Variants in NRIP2 observed in about 807,000 individuals in gnomAD.
The protein encoded by NRIP2 is nuclear receptor interacting protein 2.
In NRIP2, 27 loss-of-function variants were observed where a neutral mutation model predicts 34.1. The ratio of observed to expected loss-of-function variants is 0.79; its 90% CI spans 0.58 to 1.09. The LOEUF is 1.09. NRIP2 is among the 50% of genes least tolerant of loss of function. NRIP2 has a pLI of 0.00. For synonymous variants in NRIP2, 145 were observed against 146.9 expected (o/e 0.99, Z 0.09); for missense variants, 385 against 352.6 (o/e 1.09, Z -0.74).
intron 2 of NRIP2, among the ~76,000 whole-genome samples, chr12:2,828,827 A>G (rs1313085887): frequency 6.6e-6 from 1 of 152,142 alleles, no homozygotes; most frequent in Non-Finnish European, 1.5e-5. Context: ...GGGCAACAAG[A>G]GCAAAACTCT....
At chr12:2,834,005 C>T (rs2098015935) in intron 1 of NRIP2, among the ~76,000 whole-genome samples, 1 of 152,242 alleles carries the variant, frequency 6.6e-6, no homozygotes, top group African/African-American at 2.4e-5. Context: ...CCGCCGCCCA[C>T]TCACATCCTC....
At chr12:2,834,575 T>G (rs912672729) in intron 1 of NRIP2, 67 bp downstream of exon 1, 1 of 1,516,364 alleles carries the variant, frequency 6.6e-7, no homozygotes, top group Non-Finnish European at 8.8e-7. Context: ...TCCTGCCTCC[T>G]GCTCAGGATC....
chr12:2,833,572 C>T (rs1218547554), intron 1 of NRIP2, among the ~76,000 whole-genome samples: 1 of 152,050 alleles, frequency 6.6e-6, no homozygotes, highest in African/African-American at 2.4e-5. Context: ...AGACATGCTT[C>T]CAACCTGTCA....
intron 1 of NRIP2, among the ~76,000 whole-genome samples, chr12:2,832,170 T>C (rs1052783306): frequency 5.3e-5 from 8 of 152,174 alleles, no homozygotes; most frequent in Non-Finnish European, 1.0e-4. Flanking sequence ...AGGTGATTCA[T>C]GTGCAGGTTA....
In NRIP2 at chr12:2,827,374, C is replaced by G; in HGVS notation, c.754-75G>C. Reference sequence around the variant, plus strand: ...CTCCCGGCCTGCTCCTTTTGTTCCCCCTCCCACTTCCCACAGCTTCCACCT... The same window carrying G: ...CTCCCGGCCTGCTCCTTTTGTTCCCGCTCCCACTTCCCACAGCTTCCACCT... On this transcript the variant is annotated intron_variant, in intron 5 of 5. Transcript: ENST00000337508. This position sits in a 1 kb window ranked among gnomAD's most constrained non-coding sequence, Gnocchi z 4.0. 3 of 1,542,812 alleles carry G rather than the reference C, an allele frequency of 1.9e-6. No homozygotes were observed. The highest frequency in any genetic ancestry group is 2.6e-6 in the Non-Finnish European group (3 of 1,150,324).
chr12:2,828,114 G>A, intron 3 of NRIP2, 67 bp from the exon 4 acceptor site: 3 of 1,439,738 alleles, frequency 2.1e-6, no homozygotes, highest in Non-Finnish European at 2.9e-6. Context: ...TTAATCAGCA[G>A]GTGTCCCTCT....
At position 2,826,348 on chromosome 12, in the gene NRIP2, C is replaced by T. The variant is rs547016282; in HGVS notation, c.*859G>A. ...AGAAGGCCTAATGAGGTGGATAGTT[C>T]TAGAAATCAGAAAGAATGCTGAATA... On this transcript the variant is annotated 3_prime_UTR_variant, in exon 6 of 6. Transcript: ENST00000337508. 6.6e-6 allele frequency: 1 copy of T among 152,232 alleles called. No homozygotes were observed. Among genetic ancestry groups the T allele is most frequent in the East Asian group, 1.9e-4 (1 of 5,190 alleles). The allele number at this position is 152,232 out of a possible 1,614,324, so 9.4% of individuals were successfully genotyped here.
intron 1 of NRIP2, among the ~76,000 whole-genome samples, chr12:2,833,055 G>A (rs2153926378): frequency 6.6e-6 from 1 of 152,056 alleles, no homozygotes; most frequent in East Asian, 1.9e-4. Context: ...TCCCAGGGAG[G>A]GAGACGATGG....
chr12:2,834,132 G>A (rs748155083), intron 1 of NRIP2, among the ~76,000 whole-genome samples: 8 of 152,208 alleles, frequency 5.3e-5, no homozygotes, highest in East Asian at 3.9e-4. Context: ...CACTCAAGGC[G>A]GCCAGGGGCC....
chr12:2,832,228 C>G (rs2098006751), intron 1 of NRIP2, among the ~76,000 whole-genome samples: 1 of 152,124 alleles, frequency 6.6e-6, no homozygotes, highest in African/African-American at 2.4e-5. Flanking sequence ...CATGTCTTCT[C>G]TTATTTAAAA....
chr12:2,833,749 A>C (rs939583994), intron 1 of NRIP2, among the ~76,000 whole-genome samples: 2 of 152,202 alleles, frequency 1.3e-5, no homozygotes, highest in African/African-American at 4.8e-5. Context: ...AATAGCATTT[A>C]GATAGTGCCT....
intron 1 of NRIP2, among the ~76,000 whole-genome samples, chr12:2,831,414 T>C (rs1454506561): frequency 6.6e-6 from 1 of 152,036 alleles, no homozygotes; most frequent in Non-Finnish European, 1.5e-5. Flanking sequence ...TGAAACCCTA[T>C]TTCTACTAAA....
intron 1 of NRIP2, among the ~76,000 whole-genome samples, chr12:2,831,309 CGTG>C (rs1252224187): frequency 6.6e-6 from 1 of 151,722 alleles, no homozygotes; most frequent in Non-Finnish European, 1.5e-5. Context: ...CTAGGCCAGG[CGTG>C]GTGGCTCACA....
chr12:2,827,478 G>A lies in NRIP2; in HGVS notation c.753+147C>T. 2.6e-6 allele frequency: 4 copies of A among 1,534,206 alleles called. No homozygotes were observed. Among genetic ancestry groups the A allele is most frequent in the Middle Eastern group, 4.2e-4 (2 of 4,758 alleles). ...ACCCAGTTCTCTTGATTTTTCACTT[G>A]GTGGTAAGTAAGGAACCTCTAAGGA... On this transcript the variant is annotated intron_variant, in intron 5 of 5. Coordinates refer to ENST00000337508, the MANE Select transcript of NRIP2 (RefSeq NM_031474.3). This position sits in a 1 kb window ranked among gnomAD's most constrained non-coding sequence, Gnocchi z 4.0.
chr12:2,828,241 G>T, intron 3 of NRIP2, 91 bp downstream of exon 3: 1 of 1,234,654 alleles, frequency 8.1e-7, no homozygotes, highest in Non-Finnish European at 1.2e-6. Flanking sequence ...GATAAAATAT[G>T]CAACTGTCGT....
At chr12:2,834,365 C>T (rs1441958054) in intron 1 of NRIP2, among the ~76,000 whole-genome samples, 1 of 152,186 alleles carries the variant, frequency 6.6e-6, no homozygotes, top group Non-Finnish European at 1.5e-5. Flanking sequence ...GCCCCCACTT[C>T]TAAACAGCCT....
rs1354017708 is a variant in NRIP2, at chr12:2,834,932, CT to C, written c.51del (p.Glu18ArgfsTer18). 1 of 1,610,992 alleles carries C rather than the reference CT, an allele frequency of 6.2e-7. No individual in the cohort carries two copies. The highest frequency in any genetic ancestry group is 1.1e-5 in the South Asian group (1 of 90,762). On this transcript the variant is annotated frameshift_variant, in exon 1 of 6. Coordinates refer to ENST00000337508, the MANE Select transcript of NRIP2 (RefSeq NM_031474.3). LOFTEE classifies it high-confidence loss of function. ...TGTCTCTGTCCCGTGCTGCAGCTCT[CT>C]TTCCAACAGGAGGGTCTCCACGGGA... is the stretch of plus-strand genomic sequence containing the variant. ...LSLPWRPSCW[K>X]ESCSTGQRQA...
In NRIP2 at chr12:2,828,006, G is replaced by A. The variant is rs562556400; in HGVS notation, c.620C>T (p.Ala207Val). The A allele has an allele frequency of 6.8e-6, 11 of 1,614,194 alleles. No homozygotes were observed. Among genetic ancestry groups the A allele is most frequent in the Non-Finnish European group, 9.3e-6 (11 of 1,180,034 alleles). Residue 207 changes from alanine to valine, a missense_variant, in exon 4 of 6, where the codon GCC (alanine) becomes GTC (valine). Ala to Val is a moderately conservative substitution (Grantham distance 64). Transcript: ENST00000337508. ...CTCCACCTGGGTTGGGGGCCCAGGGGCCAGGTCCCCAGCTGAGGCTTTTAG... is the reference window on the plus strand; with the variant it reads ...CTCCACCTGGGTTGGGGGCCCAGGGACCAGGTCCCCAGCTGAGGCTTTTAG... ...RVLKASAGDL[A>V]PGPPTQVEQL...
At chr12:2,834,512 C>T (rs1228824529) in intron 1 of NRIP2, 130 bp downstream of exon 1, 3 of 1,321,292 alleles carry the variant, frequency 2.3e-6, no homozygotes, top group South Asian at 1.6e-5. Flanking sequence ...GATGACCTCT[C>T]CCCATCTCAG....
Sources: allele counts gnomAD v4.1 joint callset (sites outside exome capture counted in the v4.1 genomes callset), GRCh38; gene constraint gnomAD v4.1.1; non-coding constraint Gnocchi (gnomAD v3.1); transcripts MANE v1.5; gene names NCBI Gene and HGNC (gene_info 2026-07-23, HGNC 2026-07-21).